ATG2B: variants seen among roughly 807,000 people sequenced by gnomAD.
ATG2B encodes autophagy-related protein 2 homolog B.
ATG2B carries 121 observed loss-of-function variants against 241.3 expected under a neutral mutation model. That is an observed-to-expected ratio of 0.50 (90% CI 0.43 to 0.58). ATG2B has a LOEUF of 0.58. Ranked by LOEUF, ATG2B falls within the 20% of genes least tolerant of loss-of-function variation. The pLI is 0.00. For missense variants in ATG2B, 2,306 were observed against 2,491.6 expected, an observed-to-expected ratio of 0.93 and a Z score of 1.59; for synonymous variants, 858 against 876.6, an observed-to-expected ratio of 0.98 and a Z score of 0.37.
At position 96,319,540 on chromosome 14, in the gene ATG2B, T is replaced by C. The variant is rs148736101; in HGVS notation, c.2880-1685A>G. Among the ~76,000 whole-genome samples the C allele has an allele frequency of 4.2e-3, 646 of 152,186 alleles. 26 individuals are homozygous for C. The South Asian group carries it at 0.067, about 16-fold the overall frequency. ...GCACTAAAGGAGTAAATCAACATTT[T>C]AAATATATAAAGGCAGAGTTGGTTA... On this transcript the variant is annotated intron_variant, in intron 18 of 41. Coordinates refer to ENST00000359933, the MANE Select transcript of ATG2B (RefSeq NM_018036.7).
intron 29 of ATG2B, among the ~76,000 whole-genome samples, chr14:96,308,211 A>T (rs1370213178): frequency 3.7e-5 from 4 of 108,808 alleles, no homozygotes; most frequent in Admixed American, 1.0e-4. Context: ...TATATATATA[A>T]ATACATAAAT....
Position 96,341,594 on chromosome 14 carries a change from C to A in ATG2B, c.852G>T (p.Gln284His). 1 of 1,606,614 alleles carries A rather than the reference C, an allele frequency of 6.2e-7. No individual in the cohort carries two copies. The highest frequency in any genetic ancestry group is 8.5e-7 in the Non-Finnish European group (1 of 1,175,472). Reference sequence around the variant, plus strand: ...CCAACCTACCAATTAACCGTCCAATCTGCACTGGGTCAGAAGGTGCTATCT... The same window carrying A: ...CCAACCTACCAATTAACCGTCCAATATGCACTGGGTCAGAAGGTGCTATCT... ...LPEIAPSDPVQIGRLIGRLEL... is the reference protein window; with the variant it reads ...LPEIAPSDPVHIGRLIGRLEL... The change falls in exon 6 of 42, where the codon CAG (glutamine) becomes CAT (histidine). Residue 284 changes from glutamine to histidine, a missense_variant. Coordinates refer to ENST00000359933, the MANE Select transcript of ATG2B (RefSeq NM_018036.7).
Position 96,334,478 on chromosome 14 carries a change from G to T in ATG2B, c.948C>A (p.Asp316Glu). Residue 316 changes from aspartate to glutamate, a missense_variant, in exon 7 of 42, where the codon GAC (aspartate) becomes GAA (glutamate). This residue lies in a region of ATG2B where 1,927 missense variants were observed against 2,011.2 expected (regional missense o/e 0.96). Transcript: ENST00000359933. ...GAKLDVDGQIDSIHLLLSPRQ... is the reference protein window; with the variant it reads ...GAKLDVDGQIESIHLLLSPRQ... ...TTGGTGACAGGAGTAGATGAATAGA[G>T]TCTATCTGTCCATCAACATCCAACT... is the stretch of plus-strand genomic sequence containing the variant. 3 of 1,601,482 alleles carry T rather than the reference G, an allele frequency of 1.9e-6. No individual in the cohort carries two copies. The highest frequency in any genetic ancestry group is 2.6e-6 in the Non-Finnish European group (3 of 1,174,742).
intron 1 of ATG2B, among the ~76,000 whole-genome samples, chr14:96,356,509 G>A (rs1888479919): frequency 6.6e-6 from 1 of 152,058 alleles, no homozygotes; most frequent in Non-Finnish European, 1.5e-5. Flanking sequence ...TTTGGGGGCT[G>A]GCTCATAGAA....
At chr14:96,307,908 CCATT>C (rs1427803011) in intron 29 of ATG2B, among the ~76,000 whole-genome samples, 1 of 151,618 alleles carries the variant, frequency 6.6e-6, no homozygotes, top group Non-Finnish European at 1.5e-5. Context: ...CATTCTTTTC[CCATT>C]CATTCATTAA....
chr14:96,329,761 A>C (rs1887683647), intron 11 of ATG2B, 127 bp from the exon 12 acceptor site: 1 of 578,304 alleles, frequency 1.7e-6, no homozygotes, highest in African/African-American at 1.9e-5. Flanking sequence ...GATTGCTTCA[A>C]ATTTCCCTTT....
At chr14:96,319,588 A>G (rs1218126436) in intron 18 of ATG2B, among the ~76,000 whole-genome samples, 1 of 152,204 alleles carries the variant, frequency 6.6e-6, no homozygotes, top group Non-Finnish European at 1.5e-5. Flanking sequence ...AGAAAAAAAA[A>G]TGAAAAATAA....
At chr14:96,348,388 G>T (rs182268797) in intron 1 of ATG2B, among the ~76,000 whole-genome samples, 3 of 152,174 alleles carry the variant, frequency 2.0e-5, no homozygotes, top group Admixed American at 2.0e-4. Flanking sequence ...TAGTTAAAAT[G>T]AATAAGCCCA....
Position 96,363,148 on chromosome 14 carries a change from C to G in ATG2B, c.-172G>C, listed in dbSNP as rs888611127. 1.2e-5 allele frequency: 8 copies of G among 670,524 alleles called. No individual in the cohort carries two copies. In the East Asian group the frequency reaches 2.0e-4, roughly 17 times the overall value. 41.5% of individuals were successfully genotyped at this position (670,524 alleles called of 1,614,324 possible). ...ACCCCATCGCCGGCGCCGCACCGCT[C>G]GCGCTGGGCCTGGCGGAGGCAAGAC... On this transcript the variant is annotated 5_prime_UTR_variant, in exon 1 of 42. Coordinates refer to ENST00000359933, the MANE Select transcript of ATG2B (RefSeq NM_018036.7).
chr14:96,333,099 T>C (rs1887782942), intron 8 of ATG2B, among the ~76,000 whole-genome samples: 1 of 152,142 alleles, frequency 6.6e-6, no homozygotes, highest in African/African-American at 2.4e-5. Context: ...ATTGTTTTAC[T>C]CTCATGCAAA....
At chr14:96,353,102 A>G (rs1264133744) in intron 1 of ATG2B, among the ~76,000 whole-genome samples, 1 of 152,252 alleles carries the variant, frequency 6.6e-6, no homozygotes, top group Non-Finnish European at 1.5e-5. Flanking sequence ...TACAGTATTC[A>G]GTAACATGCT....
intron 1 of ATG2B, among the ~76,000 whole-genome samples, chr14:96,361,153 GTTTAGTAATAAATCA>G (rs1888618372): frequency 6.6e-6 from 1 of 152,066 alleles, no homozygotes; most frequent in Non-Finnish European, 1.5e-5. Flanking sequence ...CTCAGATTAA[GTTTAGTAATAAATCA>G]TTTTGCCAAT....
intron 34 of ATG2B, among the ~76,000 whole-genome samples, chr14:96,296,227 A>G (rs1886637052): frequency 1.3e-5 from 2 of 152,172 alleles, no homozygotes; most frequent in Admixed American, 6.5e-5. Context: ...ATATTGCCTT[A>G]ATACATTTCA....
chr14:96,311,506 T>C (rs762406738), intron 27 of ATG2B, 36 bp downstream of exon 27: 139 of 1,513,814 alleles, frequency 9.2e-5, no homozygotes, highest in Middle Eastern at 1.9e-4. Context: ...TCTTAAAAAA[T>C]AGAACTTAAA....
At chr14:96,296,272 T>C (rs1886638072) in intron 34 of ATG2B, among the ~76,000 whole-genome samples, 1 of 152,182 alleles carries the variant, frequency 6.6e-6, no homozygotes, top group African/African-American at 2.4e-5. Flanking sequence ...ATGAAAATAA[T>C]CCATTCAGTA....
In ATG2B at chr14:96,313,141, T is replaced by C. The variant is rs1887208336; in HGVS notation, c.3766A>G (p.Ile1256Val). The change falls in exon 25 of 42, where the codon ATC becomes GTC. Residue 1256 changes from isoleucine to valine, a missense_variant. Physicochemically the swap from Ile to Val is conservative, Grantham distance 29. Transcript: ENST00000359933. ...ALDYRPLYLP[I>V]RSLLTVETFS... is the part of the protein sequence containing the mutation. ...GTTTCCACGGTAAGAAGAGATCGGA[T>C]TGGCAAATAAAGGGGTCTAATGCCA... The C allele has an allele frequency of 1.2e-6, 2 of 1,613,226 alleles. No homozygotes were observed. Among genetic ancestry groups the C allele is most frequent in the African/African-American group, 1.3e-5 (1 of 74,868 alleles).
rs780684722 is a variant in ATG2B, at chr14:96,306,765, G to A, written c.4455C>T (p.Pro1485=). 10 of 1,613,980 alleles carry A rather than the reference G, an allele frequency of 6.2e-6. No homozygotes were observed. Among genetic ancestry groups the A allele is most frequent in the Non-Finnish European group, 8.5e-6 (10 of 1,179,984 alleles). ...HFISDAMTGV[P]TENDDFCILF... ...GAATGCAAAAGTCATCATTCTCAGT[G>A]GGCACACCTGTCATTGCATCACTGA... Residue 1485 remains proline, a synonymous_variant, in exon 30 of 42, where the codon CCC becomes CCT. Coordinates refer to ENST00000359933, the MANE Select transcript of ATG2B (RefSeq NM_018036.7).
In ATG2B at chr14:96,312,100, T is replaced by G; in HGVS notation, c.3902A>C (p.Asn1301Thr). ...TTTTTAACTCTTACCTCTACTCAGA[T>G]TTATAGTGACAGTATTGCATTTGTC... ...LSDKCNTVTI[N>T]LSRDYVRVMD... The change falls in exon 26 of 42, where the codon AAT becomes ACT. Residue 1301 changes from asparagine to threonine, a missense_variant. By Grantham distance (65) the Asn-to-Thr change is moderately conservative (BLOSUM62 0). Transcript: ENST00000359933. The G allele has an allele frequency of 6.2e-7, 1 of 1,605,064 alleles. No individual in the cohort carries two copies. Among genetic ancestry groups the G allele is most frequent in the African/African-American group, 1.3e-5 (1 of 74,418 alleles).
At position 96,290,722 on chromosome 14, in the gene ATG2B, G is replaced by T; in HGVS notation, c.5701+92C>A. The T allele has an allele frequency of 6.5e-7, 1 of 1,538,080 alleles. No homozygotes were observed. Among genetic ancestry groups the T allele is most frequent in the Non-Finnish European group, 8.8e-7 (1 of 1,134,462 alleles). ...TATGAGTACATATGTGAGTTTTCTA[G>T]ACTAATGGTCCTCACATAAGTTCTC... On this transcript the variant is annotated intron_variant, in intron 39 of 41. Transcript: ENST00000359933. This position sits in a 1 kb window ranked among gnomAD's most constrained non-coding sequence, Gnocchi z 4.4.
Sources: allele counts gnomAD v4.1 joint callset (sites outside exome capture counted in the v4.1 genomes callset), GRCh38; gene constraint gnomAD v4.1.1; regional missense constraint gnomAD v4.1.1; non-coding constraint Gnocchi (gnomAD v3.1); transcripts MANE v1.5; gene names NCBI Gene and HGNC (gene_info 2026-07-23, HGNC 2026-07-21).